The following TNIK variants were observed in gnomAD, a reference collection of about 807,000 sequenced individuals.
TNIK encodes TRAF2 and NCK interacting kinase.
In TNIK, 49 loss-of-function variants were observed where a neutral mutation model predicts 191.3. The ratio of observed to expected loss-of-function variants is 0.26; its 90% CI spans 0.20 to 0.32. TNIK has a LOEUF of 0.32. Among genes scored for constraint, TNIK ranks in the 10% least tolerant of loss-of-function variants. The probability of loss-of-function intolerance (pLI) is 1.00; values close to 1 mark genes in which losing one functional copy is unlikely to be tolerated. For missense variants in TNIK, 1,155 were observed against 1,702.3 expected (o/e 0.68, Z 5.66); for synonymous variants, 594 against 600.9 (o/e 0.99, Z 0.17).
intron 2 of TNIK, among the ~76,000 whole-genome samples, chr3:171,358,023 C>T (rs946443922): frequency 1.3e-5 from 2 of 152,062 alleles, no homozygotes; most frequent in African/African-American, 4.8e-5. Flanking sequence ...AGTGTTGTGT[C>T]GGCAAAGGGA....
At chr3:171,350,627 GA>G (rs1704058609) in intron 2 of TNIK, among the ~76,000 whole-genome samples, 2 of 99,232 alleles carry the variant, frequency 2.0e-5, no homozygotes, top group African/African-American at 3.9e-5. Flanking sequence ...AATGCCCAAA[GA>G]AACTCAATCC....
intron 1 of TNIK, among the ~76,000 whole-genome samples, chr3:171,414,650 A>G (rs996167325): frequency 6.6e-6 from 1 of 152,062 alleles, no homozygotes; most frequent in African/African-American, 2.4e-5. Context: ...AGATCTTCCA[A>G]CTCCTACTTC....
chr3:171,194,483 T>C (rs750917154), intron 5 of TNIK, 42 bp downstream of exon 5: 1 of 1,556,672 alleles, frequency 6.4e-7, no homozygotes, highest in Admixed American at 1.7e-5. Flanking sequence ...ATGTGTTGCT[T>C]GAAGACTTTG....
intron 1 of TNIK, among the ~76,000 whole-genome samples, chr3:171,370,888 G>A (rs1437620817): frequency 3.3e-5 from 5 of 152,054 alleles, no homozygotes; most frequent in East Asian, 1.9e-4. Context: ...AATAGACTGC[G>A]CCTTTGGCCT....
chr3:171,255,767 C>T (rs1201569640), intron 2 of TNIK, among the ~76,000 whole-genome samples: 1 of 152,130 alleles, frequency 6.6e-6, no homozygotes, highest in Non-Finnish European at 1.5e-5. Context: ...TTTAGAGACC[C>T]CAGGTGTGGC....
intron 9 of TNIK, among the ~76,000 whole-genome samples, chr3:171,174,421 A>G (rs1735721621): frequency 6.6e-6 from 1 of 152,224 alleles, no homozygotes; most frequent in Non-Finnish European, 1.5e-5. Context: ...ACCATGAGTA[A>G]TCCGAGATTC....
At chr3:171,122,887 AT>A (rs1439660945) in intron 18 of TNIK, among the ~76,000 whole-genome samples, 1 of 152,164 alleles carries the variant, frequency 6.6e-6, no homozygotes, top group Non-Finnish European at 1.5e-5. Context: ...ACCACAAAAA[AT>A]TTGCTCAGAC....
At chr3:171,230,460 G>C (rs974890603) in intron 2 of TNIK, among the ~76,000 whole-genome samples, 1 of 152,146 alleles carries the variant, frequency 6.6e-6, no homozygotes, top group African/African-American at 2.4e-5. Flanking sequence ...CCTGTAACAG[G>C]ATACAGACAA....
chr3:171,262,579 C>T (rs1442581905), intron 2 of TNIK, among the ~76,000 whole-genome samples: 1 of 152,158 alleles, frequency 6.6e-6, no homozygotes, highest in Non-Finnish European at 1.5e-5. Flanking sequence ...AGTAGTTTTT[C>T]CTGGCTTCTC....
In TNIK at chr3:171,188,847, A is replaced by G. The variant is rs1737681529; in HGVS notation, c.509-15T>C. 3 of 1,612,100 alleles carry G rather than the reference A, an allele frequency of 1.9e-6. No homozygotes were observed. The South Asian group carries it at 3.3e-5, about 18-fold the overall frequency. On this transcript the variant is annotated splice_polypyrimidine_tract_variant and intron_variant, in intron 6 of 32. Transcript: ENST00000436636. ...TCCAAAGTCCACTATTTAAGAAAAG[A>G]CAAGTAAATAAAGTCTGTGATCATA...
intron 2 of TNIK, among the ~76,000 whole-genome samples, chr3:171,307,577 C>G (rs1370766161): frequency 2.0e-5 from 3 of 152,098 alleles, no homozygotes; most frequent in African/African-American, 7.2e-5. Flanking sequence ...CTAGTAGTAC[C>G]AATTCCAGAC....
intron 7 of TNIK, among the ~76,000 whole-genome samples, chr3:171,182,211 G>A (rs1361890380): frequency 6.7e-5 from 2 of 30,034 alleles, no homozygotes; most frequent in South Asian, 2.1e-3. Flanking sequence ...GGGTTCTCTT[G>A]TTTTCCAAAA....
rs920149241 is a variant in TNIK, at chr3:171,058,558, T to G, written c.*5323A>C. ...TAGAAAGTACTTTCTCAATGATTTT[T>G]GTATGCAAGAAAAAAAATACCTGAA... On this transcript the variant is annotated 3_prime_UTR_variant, in exon 33 of 33. Transcript: ENST00000436636. 3.5e-4 allele frequency among the ~76,000 whole-genome samples: 53 copies of G among 152,224 alleles called. No homozygotes were observed. Among genetic ancestry groups the G allele is most frequent in the African/African-American group, 1.1e-3 (45 of 41,446 alleles).
At chr3:171,347,957 C>A (rs1166432443) in intron 2 of TNIK, among the ~76,000 whole-genome samples, 3 of 152,152 alleles carry the variant, frequency 2.0e-5, no homozygotes, top group Non-Finnish European at 2.9e-5. Flanking sequence ...GAGCTTGAAA[C>A]CAAATAGTGC....
intron 22 of TNIK, among the ~76,000 whole-genome samples, chr3:171,098,098 T>C (rs1722974823): frequency 8.4e-6 from 1 of 119,726 alleles, no homozygotes; most frequent in African/African-American, 2.7e-5. Context: ...CTGTGCATAG[T>C]GGCTTCCTTC....
At chr3:171,176,679 C>T (rs1262773587) in intron 8 of TNIK, among the ~76,000 whole-genome samples, 11 of 152,246 alleles carry the variant, frequency 7.2e-5, no homozygotes, top group Non-Finnish European at 1.5e-5. Context: ...TGCTAGGTCA[C>T]TGGCGGGGAG....
chr3:171,318,279 T>C (rs1168296815), intron 2 of TNIK, among the ~76,000 whole-genome samples: 1 of 152,176 alleles, frequency 6.6e-6, no homozygotes, highest in Non-Finnish European at 1.5e-5. Context: ...AATTATTTAA[T>C]GCCTGATCAA....
intron 30 of TNIK, among the ~76,000 whole-genome samples, chr3:171,067,629 G>A (rs998287507): frequency 5.4e-5 from 8 of 146,908 alleles, no homozygotes; most frequent in Admixed American, 2.8e-4. Context: ...CCGAGATCAC[G>A]CCACTGTACT....
intron 1 of TNIK, among the ~76,000 whole-genome samples, chr3:171,421,932 A>G (rs568838498): frequency 1.3e-5 from 2 of 151,856 alleles, no homozygotes; most frequent in Non-Finnish European, 2.9e-5. Context: ...GGGTTTCACC[A>G]TGTTGGCCAG....
Sources: gnomAD v4.1 joint callset for allele counts (sites outside exome capture counted in the v4.1 genomes callset) on GRCh38, gnomAD v4.1.1 for gene constraint, MANE v1.5 for transcripts, NCBI Gene and HGNC (gene_info 2026-07-23, HGNC 2026-07-21) for gene names.